LCN1: variants seen among roughly 807,000 people sequenced by gnomAD.
LCN1 encodes lipocalin-1.
LCN1 carries 25 observed loss-of-function variants against 22.3 expected under a neutral mutation model. That is an observed-to-expected ratio of 1.12 (90% CI 0.82 to 1.56). The LOEUF is 1.56. Among genes scored for constraint, LCN1 ranks in the 40% most tolerant of loss-of-function variants. LCN1 has a pLI of 0.00. For synonymous variants in LCN1, 85 were observed against 97.6 expected, an observed-to-expected ratio of 0.87 and a Z score of 0.76; for missense variants, 219 against 235.6, an observed-to-expected ratio of 0.93 and a Z score of 0.46.
At chr9:135,525,221 A>G in intron 6 of LCN1, 63 bp downstream of exon 6, 1 of 1,538,946 alleles carries the variant, frequency 6.5e-7, no homozygotes, top group East Asian at 2.2e-5. Flanking sequence ...TGGTGCTTCC[A>G]GAGGCCATGG....
chr9:135,525,250 C>G, intron 6 of LCN1, 92 bp downstream of exon 6: 1 of 1,300,354 alleles, frequency 7.7e-7, no homozygotes, highest in Non-Finnish European at 1.1e-6. Flanking sequence ...CCACCCATCC[C>G]ACTCCTACCT....
At chr9:135,524,283 C>G (rs1831573313) in intron 4 of LCN1, among the ~76,000 whole-genome samples, 1 of 152,212 alleles carries the variant, frequency 6.6e-6, no homozygotes, top group Non-Finnish European at 1.5e-5. Context: ...CCCGGAGCAG[C>G]TCCCTGCAGT....
At chr9:135,521,692 T>G in intron 1 of LCN1, 105 bp downstream of exon 1, 2 of 1,038,224 alleles carry the variant, frequency 1.9e-6, no homozygotes, top group South Asian at 1.6e-5. Flanking sequence ...CGTTTTTGGG[T>G]TGGGCATTCA....
At chr9:135,524,688 CA>C (rs1435050791) in intron 4 of LCN1, 141 bp from the exon 5 acceptor site, 7 of 652,600 alleles carry the variant, frequency 1.1e-5, no homozygotes, top group Non-Finnish European at 1.8e-5. Context: ...CCCACTTTGC[CA>C]GCCTGAGGGC....
At position 135,523,931 on chromosome 9, in the gene LCN1, A is replaced by G. The variant is rs1382782635; in HGVS notation, c.344A>G (p.Tyr115Cys). Residue 115 changes from tyrosine (Y) to cysteine (C), a missense_variant, in exon 4 of 7, where the codon TAC (tyrosine) becomes TGC (cysteine). Physicochemically the swap from Tyr to Cys is radical, Grantham distance 194. Transcript: ENST00000371781. ...YIIRSHVKDHYIFYCEGELHG... is the reference protein window; with the variant it reads ...YIIRSHVKDHCIFYCEGELHG... ...ATCAGGTCGCACGTGAAGGACCACT[A>G]CATCTTTTACTGTGAGGGCGAGCTG... The G allele has an allele frequency of 4.3e-6, 7 of 1,614,124 alleles. No individual in the cohort carries two copies. The highest frequency in any genetic ancestry group is 1.3e-5 in the African/African-American group (1 of 75,038).
chr9:135,525,107 A>ACT (rs1831600112), intron 5 of LCN1, 25 bp from the exon 6 acceptor site: 1 of 1,612,636 alleles, frequency 6.2e-7, no homozygotes, highest in African/African-American at 1.3e-5. Context: ...GGGTCTCCTA[A>ACT]CGCCTGTGCT....
chr9:135,521,888 G>A (rs1328870062), intron 1 of LCN1, among the ~76,000 whole-genome samples, 159 bp from the exon 2 acceptor site: 2 of 152,092 alleles, frequency 1.3e-5, no homozygotes, highest in Non-Finnish European at 2.9e-5. Flanking sequence ...CTTCAAGTGG[G>A]CCTGGCGAGG....
intron 3 of LCN1, 140 bp downstream of exon 3, chr9:135,523,442 C>A: frequency 1.4e-6 from 1 of 702,664 alleles, no homozygotes; most frequent in Non-Finnish European, 2.4e-6. Flanking sequence ...CCACTCTCTT[C>A]TCCCACTGGT....
Position 135,526,354 on chromosome 9 carries a change from A to C in LCN1, c.*12A>C, listed in dbSNP as rs1588385947. 8.1e-7 allele frequency: 1 copy of C among 1,233,754 alleles called. No homozygotes were observed. The highest frequency in any genetic ancestry group is 1.3e-5 in the South Asian group (1 of 75,522). 76.4% of individuals were successfully genotyped at this position (1,233,754 alleles called of 1,614,324 possible). On this transcript the variant is annotated 3_prime_UTR_variant, in exon 7 of 7. Coordinates refer to ENST00000371781, the MANE Select transcript of LCN1 (RefSeq NM_002297.4). Reference sequence around the variant, plus strand: ...TCCCCCCCTTTCCAGGGCAGGGGACACCTTGGCTCCTCAGCAGCCCAAGGA... The same window carrying C: ...TCCCCCCCTTTCCAGGGCAGGGGACCCCTTGGCTCCTCAGCAGCCCAAGGA...
chr9:135,525,245 C>A, intron 6 of LCN1, 87 bp downstream of exon 6: 1 of 1,333,180 alleles, frequency 7.5e-7, no homozygotes, highest in Non-Finnish European at 1.0e-6. Flanking sequence ...CTCTCCCACC[C>A]ATCCCACTCC....
intron 5 of LCN1, 28 bp downstream of exon 5, chr9:135,524,959 C>T (rs1188333054): frequency 3.8e-6 from 6 of 1,590,838 alleles, no homozygotes; most frequent in Non-Finnish European, 5.2e-6. Context: ...GCAGAGCCCC[C>T]CATGTCCCCG....
chr9:135,521,935 C>G, intron 1 of LCN1, 112 bp from the exon 2 acceptor site: 1 of 1,480,070 alleles, frequency 6.8e-7, no homozygotes, highest in Non-Finnish European at 9.1e-7. Flanking sequence ...GATTGGGGAA[C>G]GTTCCCCGTT....
At chr9:135,522,586 A>G (rs1831527358) in intron 2 of LCN1, among the ~76,000 whole-genome samples, 1 of 152,212 alleles carries the variant, frequency 6.6e-6, no homozygotes, top group South Asian at 2.1e-4. Flanking sequence ...AGAAGACACC[A>G]TGGAGAAGAC....
At chr9:135,521,977 G>C in intron 1 of LCN1, 70 bp from the exon 2 acceptor site, 1 of 1,560,914 alleles carries the variant, frequency 6.4e-7, no homozygotes, top group South Asian at 1.2e-5. Context: ...GAGTCTAGGG[G>C]CTGCAGGCCA....
Position 135,523,924 on chromosome 9 carries a change from G to T in LCN1, c.337G>T (p.Asp113Tyr), listed in dbSNP as rs1164602083. Residue 113 changes from aspartate to tyrosine, a missense_variant, in exon 4 of 7, where the codon GAC becomes TAC. Coordinates refer to ENST00000371781, the MANE Select transcript of LCN1 (RefSeq NM_002297.4). ...ATACATCATCAGGTCGCACGTGAAG[G>T]ACCACTACATCTTTTACTGTGAGGG... Reference protein sequence around the residue: ...VAYIIRSHVKDHYIFYCEGEL... With the variant: ...VAYIIRSHVKYHYIFYCEGEL... 2.5e-6 allele frequency: 4 copies of T among 1,614,122 alleles called. No homozygotes were observed. Among genetic ancestry groups the T allele is most frequent in the South Asian group, 1.1e-5 (1 of 91,066 alleles).
chr9:135,522,266 T>C (rs1448762291), intron 2 of LCN1, 89 bp downstream of exon 2: 3 of 1,466,384 alleles, frequency 2.0e-6, no homozygotes, highest in Non-Finnish European at 2.7e-6. Context: ...GCTGGGGAGG[T>C]GGGCAGACCT....
intron 2 of LCN1, 36 bp downstream of exon 2, chr9:135,522,213 C>T: frequency 3.1e-6 from 5 of 1,593,646 alleles, no homozygotes; most frequent in Non-Finnish European, 4.3e-6. Context: ...AGCCTGCAAC[C>T]TGGTCTAGGG....
chr9:135,522,847 A>G (rs902168293), intron 2 of LCN1, among the ~76,000 whole-genome samples: 1 of 152,022 alleles, frequency 6.6e-6, no homozygotes, highest in Non-Finnish European at 1.5e-5. Flanking sequence ...CCAGATGATG[A>G]TGGATATGGG....
chr9:135,522,022 C>G, intron 1 of LCN1, 25 bp from the exon 2 acceptor site: 1 of 1,588,666 alleles, frequency 6.3e-7, no homozygotes, highest in Non-Finnish European at 8.6e-7. Context: ...TCGGCCTGAG[C>G]CTGATAGAGA....
Sources: gnomAD v4.1 joint callset for allele counts (sites outside exome capture counted in the v4.1 genomes callset) on GRCh38, gnomAD v4.1.1 for gene constraint, MANE v1.5 for transcripts, NCBI Gene and HGNC (gene_info 2026-07-23, HGNC 2026-07-21) for gene names.